The following LRRFIP1 variants were observed in gnomAD, a reference collection of about 807,000 sequenced individuals.
LRRFIP1 encodes leucine-rich repeat flightless-interacting protein 1.
In LRRFIP1, 62 loss-of-function variants were observed where a neutral mutation model predicts 104.4. The ratio of observed to expected loss-of-function variants is 0.59; its 90% confidence interval spans 0.48 to 0.73. The LOEUF is 0.73. Among genes scored for constraint, LRRFIP1 ranks in the 30% least tolerant of loss-of-function variants. The pLI, the probability that LRRFIP1 is intolerant of heterozygous loss-of-function variation, is 0.00. For synonymous variants in LRRFIP1, 300 were observed against 299.0 expected (o/e 1.00, Z -0.03); for missense variants, 796 against 824.5 (o/e 0.97, Z 0.42).
intron 9 of LRRFIP1, among the ~76,000 whole-genome samples, chr2:237,734,113 C>T (rs573173050): frequency 2.2e-4 from 33 of 152,262 alleles, no homozygotes; most frequent in African/African-American, 7.9e-4. Flanking sequence ...TACCTATTGG[C>T]AGAAAGAATG....
rs1296227513 is a variant in LRRFIP1, at chr2:237,713,410, C to T, written c.184-849C>T. ...GGAAATTCAAGTGAACCTTGAACTTCTTAGGGAGAACCTACACTGATAGAA... is the reference window on the plus strand; with the variant it reads ...GGAAATTCAAGTGAACCTTGAACTTTTTAGGGAGAACCTACACTGATAGAA... On this transcript the variant is annotated intron_variant, in intron 2 of 23. Transcript: ENST00000308482. Among the ~76,000 whole-genome samples, 13 of 152,174 alleles carry T rather than the reference C, an allele frequency of 8.5e-5. 1 individual carries two copies. Among genetic ancestry groups the T allele is most frequent in the Admixed American group, 6.5e-5 (1 of 15,284 alleles).
chr2:237,686,221 A>G lies in LRRFIP1; in HGVS notation c.97-22323A>G, dbSNP rs74714738. Among the ~76,000 whole-genome samples the G allele has an allele frequency of 7.0e-3, 1,062 of 152,292 alleles. 11 individuals are homozygous for G. The highest frequency in any genetic ancestry group is 0.024 in the African/African-American group (985 of 41,550). ...ACTGAGGCTTTCTGCCTCCAATTCA[A>G]ATTCAGTTCAATCAATAATCAAACC... On this transcript the variant is annotated intron_variant, in intron 1 of 23. Coordinates refer to ENST00000308482, the MANE Select transcript of LRRFIP1 (RefSeq NM_001137550.2).
intron 1 of LRRFIP1, among the ~76,000 whole-genome samples, chr2:237,641,559 G>T (rs1368571371): frequency 1.3e-5 from 2 of 149,870 alleles, no homozygotes; most frequent in Non-Finnish European, 3.0e-5. Flanking sequence ...TTTTCTCCTT[G>T]GATTTCTGTT....
chr2:237,742,776 G>A (rs551037480), intron 11 of LRRFIP1, among the ~76,000 whole-genome samples: 2 of 152,318 alleles, frequency 1.3e-5, no homozygotes, highest in South Asian at 4.1e-4. Context: ...TGCCTGGGAG[G>A]GAGGAGCAAC....
chr2:237,667,980 C>T (rs78529235), intron 1 of LRRFIP1, among the ~76,000 whole-genome samples: 2 of 152,100 alleles, frequency 1.3e-5, no homozygotes, highest in Non-Finnish European at 2.9e-5. Context: ...GCTTTACAAC[C>T]CCTGGATGCC....
chr2:237,685,114 CCCCA>C (rs200515506), intron 1 of LRRFIP1, among the ~76,000 whole-genome samples: 94,899 of 143,926 alleles, frequency 0.66, 31,903 homozygotes, highest in Middle Eastern at 0.79. Flanking sequence ...ACCCTCCCCC[CCCCA>C]CACAAAAAAA....
At chr2:237,737,446 C>T (rs1442037314) in intron 10 of LRRFIP1, among the ~76,000 whole-genome samples, 1 of 152,184 alleles carries the variant, frequency 6.6e-6, no homozygotes, top group Non-Finnish European at 1.5e-5. Flanking sequence ...ATAAGGTGCA[C>T]GTGGACCGTG....
In LRRFIP1 at chr2:237,711,519, C is replaced by G. The variant is rs1221680810; in HGVS notation, c.184-2740C>G. Among the ~76,000 whole-genome samples, 1 of 152,210 alleles carries G rather than the reference C, an allele frequency of 6.6e-6. No individual in the cohort carries two copies. The highest frequency in any genetic ancestry group is 1.5e-5 in the Non-Finnish European group (1 of 68,036). ...TGGCCAACGTCACCTTTTGCACGGT[C>G]CTCTGTGGATCTGCAGTCTCGGCTT... On this transcript the variant is annotated intron_variant, in intron 2 of 23. Transcript: ENST00000308482. The surrounding 1 kb of genome is among the most constrained non-coding windows in gnomAD (Gnocchi z 4.4).
chr2:237,644,976 G>A (rs1010653634), intron 1 of LRRFIP1, among the ~76,000 whole-genome samples: 7 of 152,176 alleles, frequency 4.6e-5, no homozygotes, highest in Non-Finnish European at 8.8e-5. Flanking sequence ...TGCTGACCTC[G>A]ATCACCAGGC....
chr2:237,636,722 T>A (rs1055996970), intron 1 of LRRFIP1, among the ~76,000 whole-genome samples: 2 of 152,192 alleles, frequency 1.3e-5, no homozygotes, highest in Non-Finnish European at 2.9e-5. Flanking sequence ...GACTACAATT[T>A]GAGCAAAGGC....
intron 1 of LRRFIP1, among the ~76,000 whole-genome samples, chr2:237,651,856 T>G (rs1215796648): frequency 6.6e-6 from 1 of 152,262 alleles, no homozygotes; most frequent in Admixed American, 6.5e-5. Flanking sequence ...CTCTTTTTAT[T>G]GCATTAAGCC....
chr2:237,717,872 T>A lies in LRRFIP1; in HGVS notation c.249+63T>A, dbSNP rs2094399653. On this transcript the variant is annotated intron_variant, in intron 4 of 23. Coordinates refer to ENST00000308482, the MANE Select transcript of LRRFIP1 (RefSeq NM_001137550.2). The surrounding 1 kb of genome is among the most constrained non-coding windows in gnomAD (Gnocchi z 4.2). The stretch of plus-strand genomic sequence containing the variant: ...CCCCACTTGAATACAGTGTTGAGAC[T>A]TAAATGGTTTATAATGTAATTCTTA... 5.0e-6 allele frequency: 6 copies of A among 1,190,468 alleles called. No individual in the cohort carries two copies. Among genetic ancestry groups the A allele is most frequent in the Non-Finnish European group, 7.6e-6 (6 of 793,234 alleles). 73.7% of individuals were successfully genotyped at this position (1,190,468 alleles called of 1,614,324 possible). A position where few individuals can be genotyped will look rare whatever the true frequency, so the allele number is the denominator to read the frequency against.
Position 237,720,745 on chromosome 2 carries a change from G to A in LRRFIP1, c.295-27G>A, listed in dbSNP as rs111447583. On this transcript the variant is annotated intron_variant, in intron 5 of 23. Transcript: ENST00000308482. The stretch of plus-strand genomic sequence containing the variant: ...CATGTATGTTGTATGATTCCTTCAC[G>A]GTTGTTCTCGTCCTTTCTTTTAATA... The A allele has an allele frequency of 1.8e-3, 2,827 of 1,608,128 alleles. 36 individuals carry two copies. In the African/African-American group the frequency reaches 0.03, roughly 17 times the overall value.
At chr2:237,775,375 A>G (rs2060994084) in intron 23 of LRRFIP1, among the ~76,000 whole-genome samples, 1 of 152,150 alleles carries the variant, frequency 6.6e-6, no homozygotes, top group Non-Finnish European at 1.5e-5. Context: ...GTGGAGGCCA[A>G]GTGAGCAGGG....
Position 237,674,796 on chromosome 2 carries a change from G to C in LRRFIP1, c.97-33748G>C, listed in dbSNP as rs535719946. Among the ~76,000 whole-genome samples the C allele has an allele frequency of 5.3e-5, 8 of 152,374 alleles. No individual in the cohort carries two copies. In the South Asian group the frequency reaches 1.2e-3, roughly 24 times the overall value. On this transcript the variant is annotated intron_variant, in intron 1 of 23. Coordinates refer to ENST00000308482, the MANE Select transcript of LRRFIP1 (RefSeq NM_001137550.2). ...CCACAGGTATTTCTCCGTCACTTTC[G>C]GGTTGTTGCTGAGAGCTGGGGAAAT...
chr2:237,627,615 G>T lies in LRRFIP1; in HGVS notation c.-30G>T. 2 of 1,246,126 alleles carry T rather than the reference G, an allele frequency of 1.6e-6. No individual in the cohort carries two copies. The allele number at this position is 1,246,126 out of a possible 1,614,324, so 77.2% of individuals were successfully genotyped here. A position where few individuals can be genotyped will look rare whatever the true frequency, so the allele number is the denominator to read the frequency against. ...GCGGCGCGAGCGGCTGGAGCAACGGGCCCCGCGGCAGCTGCGGGCGACGCG... is the reference window on the plus strand; with the variant it reads ...GCGGCGCGAGCGGCTGGAGCAACGGTCCCCGCGGCAGCTGCGGGCGACGCG... On this transcript the variant is annotated 5_prime_UTR_variant, in exon 1 of 24. Coordinates refer to ENST00000308482, the MANE Select transcript of LRRFIP1 (RefSeq NM_001137550.2).
intron 1 of LRRFIP1, among the ~76,000 whole-genome samples, chr2:237,683,146 G>T (rs1369865226): frequency 6.6e-6 from 1 of 152,198 alleles, no homozygotes; most frequent in Non-Finnish European, 1.5e-5. Flanking sequence ...ATCAATCCTA[G>T]GGTTTCCCAA....
chr2:237,739,930 G>T (rs2095363177), intron 11 of LRRFIP1, among the ~76,000 whole-genome samples: 1 of 152,150 alleles, frequency 6.6e-6, no homozygotes, highest in Non-Finnish European at 1.5e-5. Flanking sequence ...GGAAGAGTTT[G>T]CAGGACGGTT....
chr2:237,726,442 A>G (rs963476440), intron 7 of LRRFIP1, among the ~76,000 whole-genome samples: 1 of 152,140 alleles, frequency 6.6e-6, no homozygotes, highest in Admixed American at 6.5e-5. Context: ...AGCACCTCCC[A>G]TATGCCAGGC....
Sources: gnomAD v4.1 joint callset for allele counts (sites outside exome capture counted in the v4.1 genomes callset) on GRCh38, gnomAD v4.1.1 for gene constraint, Gnocchi (gnomAD v3.1) non-coding constraint, MANE v1.5 for transcripts, NCBI Gene and HGNC (gene_info 2026-07-23, HGNC 2026-07-21) for gene names.